The following CMSS1 variants were observed in gnomAD, a reference collection of about 807,000 sequenced individuals.
CMSS1 encodes protein CMSS1.
CMSS1 carries 33 observed loss-of-function variants against 43.5 expected under a neutral mutation model. The ratio of observed to expected loss-of-function variants is 0.76; its 90% CI spans 0.57 to 1.01. CMSS1 has a LOEUF of 1.01. CMSS1 is among the 50% of genes least tolerant of loss of function. CMSS1 has a pLI of 0.00. For synonymous variants in CMSS1, 115 were observed against 117.2 expected, an observed-to-expected ratio of 0.98 and a Z score of 0.12; for missense variants, 313 against 326.4, an observed-to-expected ratio of 0.96 and a Z score of 0.32.
intron 8 of CMSS1, among the ~76,000 whole-genome samples, chr3:100,173,613 A>T (rs2067127301): frequency 6.6e-6 from 1 of 152,228 alleles, no homozygotes. Context: ...AGAGATAGTT[A>T]TGCTGGCCTG....
intron 8 of CMSS1, among the ~76,000 whole-genome samples, chr3:100,172,701 G>A (rs1001157517): frequency 7.2e-5 from 11 of 152,182 alleles, no homozygotes; most frequent in African/African-American, 2.4e-4. Flanking sequence ...GCCACTGCTT[G>A]AGTTGAGCAG....
rs1323319092 is a variant in CMSS1, at chr3:100,150,349, A to T, written c.153+3288A>T. On this transcript the variant is annotated intron_variant, in intron 2 of 9. Transcript: ENST00000421999. The stretch of plus-strand genomic sequence containing the variant: ...TGCATTTTTTCTGGATCAATTTTTT[A>T]AAAATGTTATGCTATATTTAAATTT... 2.0e-5 allele frequency among the ~76,000 whole-genome samples: 3 copies of T among 152,294 alleles called. No homozygotes were observed. The East Asian group carries it at 5.8e-4, about 29-fold the overall frequency.
At chr3:99,999,015 C>T (rs978968119) in intron 1 of CMSS1, among the ~76,000 whole-genome samples, 4 of 152,334 alleles carry the variant, frequency 2.6e-5, no homozygotes, top group East Asian at 3.9e-4. Flanking sequence ...TTAGCTTTGA[C>T]GTTGCTACTC....
chr3:99,868,998 G>T (rs1197976249), intron 1 of CMSS1, among the ~76,000 whole-genome samples: 1 of 152,114 alleles, frequency 6.6e-6, no homozygotes, highest in Non-Finnish European at 1.5e-5. Context: ...GTTGAACTCT[G>T]TGCATACTTG....
chr3:99,829,162 T>C (rs535761173), intron 1 of CMSS1, among the ~76,000 whole-genome samples: 21 of 152,342 alleles, frequency 1.4e-4, no homozygotes, highest in Admixed American at 7.2e-4. Flanking sequence ...CATGAGGATT[T>C]CTTCCAGGGT....
At chr3:100,154,705 T>C (rs2066955595) in intron 2 of CMSS1, among the ~76,000 whole-genome samples, 1 of 152,194 alleles carries the variant, frequency 6.6e-6, no homozygotes, top group Non-Finnish European at 1.5e-5. Flanking sequence ...GCGTGGTGGC[T>C]CATGGCCTGT....
chr3:100,114,855 A>G (rs2066543908), intron 1 of CMSS1: 1 of 896,428 alleles, frequency 1.1e-6, no homozygotes, highest in South Asian at 1.6e-5. Flanking sequence ...TTTGACACCC[A>G]TAACCCAAGG....
At chr3:99,840,489 T>C (rs1943087245) in intron 1 of CMSS1, among the ~76,000 whole-genome samples, 1 of 152,126 alleles carries the variant, frequency 6.6e-6, no homozygotes, top group African/African-American at 2.4e-5. Context: ...CCCAAAGTGC[T>C]GGGATTACAG....
intron 1 of CMSS1, among the ~76,000 whole-genome samples, chr3:99,959,525 G>A (rs749106652): frequency 1.4e-4 from 21 of 152,150 alleles, no homozygotes; most frequent in Non-Finnish European, 2.6e-4. Flanking sequence ...TTTAATTTGT[G>A]TGTAGCTCTA....
chr3:99,833,214 A>G (rs1177847037), intron 1 of CMSS1: 4 of 1,609,218 alleles, frequency 2.5e-6, no homozygotes, highest in African/African-American at 1.3e-5. Flanking sequence ...GAATGCCTTA[A>G]AAGTCTGAAG....
At chr3:100,125,268 C>G (rs1024926647) in intron 1 of CMSS1, among the ~76,000 whole-genome samples, 1 of 152,222 alleles carries the variant, frequency 6.6e-6, no homozygotes, top group African/African-American at 2.4e-5. Context: ...ATCTTTTGCA[C>G]TTCACTGAAG....
chr3:99,865,770 A>ATC (rs1944482092), intron 1 of CMSS1, among the ~76,000 whole-genome samples: 1 of 151,792 alleles, frequency 6.6e-6, no homozygotes, highest in African/African-American at 2.4e-5. Context: ...ATATATATAT[A>ATC]TCCTTAGAAA....
At chr3:99,990,243 G>A (rs1709473816) in intron 1 of CMSS1, among the ~76,000 whole-genome samples, 1 of 152,056 alleles carries the variant, frequency 6.6e-6, no homozygotes, top group Non-Finnish European at 1.5e-5. Context: ...GGAGAGAGAG[G>A]CAAAGATAGA....
intron 1 of CMSS1, among the ~76,000 whole-genome samples, chr3:99,914,728 A>G (rs1249221437): frequency 6.6e-6 from 1 of 152,270 alleles, no homozygotes; most frequent in Middle Eastern, 3.2e-3. Flanking sequence ...TTCTAAAACA[A>G]TAATCAGAAA....
chr3:100,053,727 T>C (rs2065413435), intron 1 of CMSS1, among the ~76,000 whole-genome samples: 1 of 152,246 alleles, frequency 6.6e-6, no homozygotes, highest in South Asian at 2.1e-4. Context: ...TTGAGCATTC[T>C]GTTTGTTTTC....
At chr3:100,069,124 C>A (rs2065718227) in intron 1 of CMSS1, among the ~76,000 whole-genome samples, 1 of 152,170 alleles carries the variant, frequency 6.6e-6, no homozygotes, top group African/African-American at 2.4e-5. Context: ...CATTTAGTTT[C>A]ATGTCTTCTG....
intron 1 of CMSS1, among the ~76,000 whole-genome samples, chr3:100,088,662 CTT>C (rs998486763): frequency 2.0e-5 from 3 of 152,108 alleles, no homozygotes; most frequent in Admixed American, 6.5e-5. Flanking sequence ...TTTTCTCTCT[CTT>C]CTTTTTCTCC....
At chr3:99,821,764 G>A (rs1165010253) in intron 1 of CMSS1, among the ~76,000 whole-genome samples, 1 of 152,210 alleles carries the variant, frequency 6.6e-6, no homozygotes, top group African/African-American at 2.4e-5. Context: ...GGATTCTGCA[G>A]TTGAAAATGT....
chr3:100,117,824 A>AGTGT (rs1255918482), intron 1 of CMSS1, among the ~76,000 whole-genome samples: 41 of 94,802 alleles, frequency 4.3e-4, no homozygotes, highest in African/African-American at 2.1e-3. Flanking sequence ...GATAAACTGC[A>AGTGT]GTATATATAT....
Sources: gnomAD v4.1 joint callset for allele counts (sites outside exome capture counted in the v4.1 genomes callset) on GRCh38, gnomAD v4.1.1 for gene constraint, MANE v1.5 for transcripts, NCBI Gene and HGNC (gene_info 2026-07-23, HGNC 2026-07-21) for gene names.